Variants in MDGA2 observed in about 807,000 individuals in gnomAD.
MDGA2 encodes the protein MAM domain containing glycosylphosphatidylinositol anchor 2, also known as MAM domain-containing glycosylphosphatidylinositol anchor protein 2.
A neutral mutation model predicts 117.8 loss-of-function variants in MDGA2; 40 were observed. That is an observed-to-expected ratio of 0.34 (90% confidence interval 0.26 to 0.44). The LOEUF (loss-of-function observed/expected upper bound fraction) is 0.44. MDGA2 is among the 20% of genes least tolerant of loss of function. MDGA2 has a pLI of 1.00. For synonymous variants in MDGA2, 452 were observed against 439.0 expected (o/e 1.03, Z -0.37); for missense variants, 1,123 against 1,250.6 (o/e 0.90, Z 1.54).
intron 8 of MDGA2, among the ~76,000 whole-genome samples, chr14:46,974,034 C>T (rs796906242): frequency 7.2e-5 from 11 of 151,824 alleles, no homozygotes; most frequent in African/African-American, 2.7e-4. Context: ...CCACCACACC[C>T]AGCTAATCAG....
intron 1 of MDGA2, among the ~76,000 whole-genome samples, chr14:47,518,169 G>A (rs1180374916): frequency 7.2e-5 from 11 of 152,016 alleles, no homozygotes; most frequent in Non-Finnish European, 1.6e-4. Flanking sequence ...ACTGACTGAT[G>A]GTACTCTAGA....
chr14:47,136,197 C>CT (rs34818512), intron 4 of MDGA2, among the ~76,000 whole-genome samples: 6,287 of 131,002 alleles, frequency 0.048, 209 homozygotes, highest in African/African-American at 0.079. Flanking sequence ...TGTTTTCTCT[C>CT]TTTTTTTTTT....
chr14:47,442,691 C>T (rs1267308600), intron 1 of MDGA2, among the ~76,000 whole-genome samples: 1 of 152,112 alleles, frequency 6.6e-6, no homozygotes, highest in African/African-American at 2.4e-5. Flanking sequence ...ATACTCTAAT[C>T]CCCACATCCA....
chr14:47,249,860 CAATA>C (rs1283753056), intron 2 of MDGA2, among the ~76,000 whole-genome samples: 2 of 152,082 alleles, frequency 1.3e-5, no homozygotes, highest in African/African-American at 4.8e-5. Flanking sequence ...CAGATCCTGT[CAATA>C]AAGTGTTGAT....
At chr14:46,885,798 C>T (rs1450456568) in intron 10 of MDGA2, among the ~76,000 whole-genome samples, 1 of 152,114 alleles carries the variant, frequency 6.6e-6, no homozygotes, top group Non-Finnish European at 1.5e-5. Flanking sequence ...CTCTGAAGTT[C>T]CACAGAAGTA....
At chr14:47,085,227 C>A (rs191204367) in intron 6 of MDGA2, among the ~76,000 whole-genome samples, 1 of 151,916 alleles carries the variant, frequency 6.6e-6, no homozygotes, top group South Asian at 2.1e-4. Flanking sequence ...AATCAGTAAT[C>A]AAATCACTGC....
chr14:47,661,216 T>A (rs975781482), intron 1 of MDGA2, among the ~76,000 whole-genome samples: 1 of 152,132 alleles, frequency 6.6e-6, no homozygotes, highest in African/African-American at 2.4e-5. Flanking sequence ...TATTTACTTT[T>A]ACATACATTT....
At chr14:47,122,589 A>G (rs1881709157) in intron 5 of MDGA2, among the ~76,000 whole-genome samples, 1 of 152,102 alleles carries the variant, frequency 6.6e-6, no homozygotes, top group Non-Finnish European at 1.5e-5. Context: ...ATTTTATTGT[A>G]TCTCCTTTGT....
intron 9 of MDGA2, among the ~76,000 whole-genome samples, chr14:46,924,899 A>G (rs1341227891): frequency 6.6e-6 from 1 of 152,190 alleles, no homozygotes. Context: ...GGGGAGAAAA[A>G]TAGAGTGCTG....
chr14:47,558,808 G>A (rs1048795972), intron 1 of MDGA2, among the ~76,000 whole-genome samples: 3 of 152,084 alleles, frequency 2.0e-5, no homozygotes, highest in African/African-American at 7.2e-5. Context: ...TTTATGATGA[G>A]AAATGATTAT....
intron 4 of MDGA2, among the ~76,000 whole-genome samples, chr14:47,133,172 G>T (rs553366798): frequency 6.7e-6 from 1 of 150,326 alleles, no homozygotes; most frequent in South Asian, 2.1e-4. Flanking sequence ...AAGAAACACT[G>T]AATTTTTAAC....
intron 3 of MDGA2, among the ~76,000 whole-genome samples, chr14:47,173,080 G>C (rs899152852): frequency 6.6e-6 from 1 of 152,244 alleles, no homozygotes; most frequent in East Asian, 1.9e-4. Context: ...GAAATGAAGC[G>C]AGAAGGGAAG....
Position 46,841,845 on chromosome 14 carries a change from A to C in MDGA2, c.*86T>G. The C allele has an allele frequency of 1.1e-6, 1 of 901,396 alleles. No individual in the cohort carries two copies. 55.8% of individuals were successfully genotyped at this position (901,396 alleles called of 1,614,324 possible). On this transcript the variant is annotated 3_prime_UTR_variant, in exon 17 of 17. Transcript: ENST00000399232. ...AGTAGTCAGTGGAGGAATCTTTGGT[A>C]GTTTGTTTGTTCAATGTCCATTTAC...
At chr14:47,490,860 A>T (rs991208977) in intron 1 of MDGA2, among the ~76,000 whole-genome samples, 1 of 152,124 alleles carries the variant, frequency 6.6e-6, no homozygotes, top group African/African-American at 2.4e-5. Context: ...TAACCTTCTT[A>T]CGGGAATCAG....
chr14:47,163,850 T>C (rs1159133002), intron 3 of MDGA2, among the ~76,000 whole-genome samples: 1 of 152,168 alleles, frequency 6.6e-6, no homozygotes, highest in Non-Finnish European at 1.5e-5. Flanking sequence ...GCAGGAGCAA[T>C]TGTGCTAATT....
At chr14:47,045,352 T>C (rs1889218487) in intron 7 of MDGA2, among the ~76,000 whole-genome samples, 1 of 152,070 alleles carries the variant, frequency 6.6e-6, no homozygotes, top group Non-Finnish European at 1.5e-5. Flanking sequence ...TTTAGAATAA[T>C]TAAAATAAAT....
intron 1 of MDGA2, among the ~76,000 whole-genome samples, chr14:47,379,105 C>T (rs1239503098): frequency 6.6e-6 from 1 of 152,150 alleles, no homozygotes. Context: ...AATTTCATAT[C>T]CAGCCAAACT....
At chr14:47,558,271 G>C (rs1287315767) in intron 1 of MDGA2, among the ~76,000 whole-genome samples, 1 of 152,188 alleles carries the variant, frequency 6.6e-6, no homozygotes, top group Admixed American at 6.5e-5. Flanking sequence ...ACCTGTGATA[G>C]GGTTGGGCAG....
chr14:47,084,848 G>A (rs1044927075), intron 6 of MDGA2, among the ~76,000 whole-genome samples: 1 of 152,106 alleles, frequency 6.6e-6, no homozygotes, highest in Non-Finnish European at 1.5e-5. Flanking sequence ...CACTGATCTT[G>A]GACTTCCAGG....
Sources: gnomAD v4.1 joint callset for allele counts (sites outside exome capture counted in the v4.1 genomes callset) on GRCh38, gnomAD v4.1.1 for gene constraint, MANE v1.5 for transcripts, NCBI Gene and HGNC (gene_info 2026-07-23, HGNC 2026-07-21) for gene names.